Variants in MBD5 observed in about 807,000 individuals in gnomAD.
MBD5 encodes the protein methyl-CpG-binding domain protein 5.
Under a neutral mutation model 117.3 loss-of-function variants are expected in MBD5, and 13 were observed. The ratio of observed to expected loss-of-function variants is 0.11; its 90% CI spans 0.07 to 0.18. MBD5 has a LOEUF of 0.18. Among genes scored for constraint, MBD5 ranks in the 10% least tolerant of loss-of-function variants. The pLI is 1.00. For synonymous variants in MBD5, 727 were observed against 766.4 expected, an observed-to-expected ratio of 0.95 and a Z score of 0.85; for missense variants, 1,879 against 2,093.8, an observed-to-expected ratio of 0.90 and a Z score of 2.00.
chr2:148,150,255 A>G (rs1697611810), intron 1 of MBD5, among the ~76,000 whole-genome samples: 1 of 148,824 alleles, frequency 6.7e-6, no homozygotes, highest in Admixed American at 6.8e-5. Context: ...AGTTGTAGAT[A>G]TGCGGCGTTA....
chr2:148,487,536 C>T (rs918100602), intron 10 of MBD5, among the ~76,000 whole-genome samples: 1 of 151,748 alleles, frequency 6.6e-6, no homozygotes, highest in African/African-American at 2.4e-5. Context: ...AGGAAGTGCT[C>T]AACCGTGTCA....
At chr2:148,334,549 A>C (rs1267088418) in intron 3 of MBD5, among the ~76,000 whole-genome samples, 1 of 151,828 alleles carries the variant, frequency 6.6e-6, no homozygotes, top group African/African-American at 2.4e-5. Flanking sequence ...GCCCAGGCTG[A>C]CCTCAAGCTC....
At chr2:148,090,126 A>G (rs552171034) in intron 1 of MBD5, among the ~76,000 whole-genome samples, 4 of 152,132 alleles carry the variant, frequency 2.6e-5, no homozygotes, top group Non-Finnish European at 4.4e-5. Context: ...AGCCTCCTAG[A>G]TTAAATCAGG....
At chr2:148,138,609 G>A (rs907715468) in intron 1 of MBD5, among the ~76,000 whole-genome samples, 5 of 152,170 alleles carry the variant, frequency 3.3e-5, no homozygotes, top group African/African-American at 1.2e-4. Context: ...GGGAGATTGG[G>A]AAGCTATTAT....
intron 1 of MBD5, among the ~76,000 whole-genome samples, chr2:148,146,574 G>A (rs1697471864): frequency 6.6e-6 from 1 of 151,978 alleles, no homozygotes; most frequent in Admixed American, 6.6e-5. Flanking sequence ...TGATGTGTTT[G>A]GTTATGTATG....
intron 1 of MBD5, among the ~76,000 whole-genome samples, chr2:148,173,574 T>G (rs966800135): frequency 6.6e-6 from 1 of 152,148 alleles, no homozygotes; most frequent in Non-Finnish European, 1.5e-5. Context: ...AAGGCGCCAC[T>G]AGCCACAGAG....
chr2:148,457,820 T>G (rs995584152), intron 4 of MBD5, among the ~76,000 whole-genome samples: 1 of 152,180 alleles, frequency 6.6e-6, no homozygotes, highest in Non-Finnish European at 1.5e-5. Flanking sequence ...TATTAAGGAC[T>G]TATTAAAATA....
intron 10 of MBD5, among the ~76,000 whole-genome samples, chr2:148,488,888 T>A (rs1337315350): frequency 6.6e-6 from 1 of 152,034 alleles, no homozygotes; most frequent in Non-Finnish European, 1.5e-5. Context: ...AGTGTCATGT[T>A]ATTATTAAGA....
chr2:148,097,518 A>G (rs1198929493), intron 1 of MBD5, among the ~76,000 whole-genome samples: 6 of 152,166 alleles, frequency 3.9e-5, no homozygotes. Context: ...ATAATATCCA[A>G]TTTGTATTAG....
At chr2:148,325,926 T>C (rs1702437562) in intron 3 of MBD5, among the ~76,000 whole-genome samples, 1 of 152,200 alleles carries the variant, frequency 6.6e-6, no homozygotes, top group South Asian at 2.1e-4. Context: ...AATTGTGATG[T>C]TAGGGTGTCA....
At chr2:148,512,756 T>C (rs1317952062) in intron 13 of MBD5, 114 bp from the exon 14 acceptor site, 1 of 933,310 alleles carries the variant, frequency 1.1e-6, no homozygotes. Context: ...ATATCAGTAA[T>C]TGAAAGTGAA....
chr2:148,070,323 A>C (rs990302572), intron 1 of MBD5, among the ~76,000 whole-genome samples: 1 of 152,198 alleles, frequency 6.6e-6, no homozygotes, highest in Non-Finnish European at 1.5e-5. Flanking sequence ...CATTGGTGCT[A>C]TGTGATAGTA....
intron 3 of MBD5, among the ~76,000 whole-genome samples, chr2:148,329,035 A>T (rs1375854040): frequency 6.6e-6 from 1 of 152,184 alleles, no homozygotes; most frequent in East Asian, 1.9e-4. Context: ...GCTCATGATC[A>T]TTTTTGCATT....
rs76699836 is a variant in MBD5 at position 148,499,919 on chromosome 2, T to G, written c.4963-2517T>G. Among the ~76,000 whole-genome samples the G allele has an allele frequency of 2.0e-5, 3 of 152,336 alleles. No individual in the cohort carries two copies. The East Asian group carries it at 5.8e-4, about 29-fold the overall frequency. On this transcript the variant is annotated intron_variant, in intron 11 of 13. Transcript: ENST00000642680. ...ACAACACAGTAAAGTGCTAAAATCCTGAAACAAACTAAACTTTCTTCTGAA... is the reference window on the plus strand; with the variant it reads ...ACAACACAGTAAAGTGCTAAAATCCGGAAACAAACTAAACTTTCTTCTGAA...
intron 1 of MBD5, among the ~76,000 whole-genome samples, chr2:148,124,911 A>G (rs903008379): frequency 2.0e-5 from 3 of 150,502 alleles, no homozygotes; most frequent in African/African-American, 7.3e-5. Flanking sequence ...TTTATAATGT[A>G]TCAAAGAAAA....
intron 3 of MBD5, among the ~76,000 whole-genome samples, chr2:148,341,970 AAT>A (rs1209837454): frequency 5.3e-5 from 8 of 152,056 alleles, no homozygotes; most frequent in African/African-American, 1.9e-4. Context: ...TAATTTATTA[AAT>A]ATGTTTCTTC....
intron 2 of MBD5, among the ~76,000 whole-genome samples, chr2:148,219,579 G>C (rs1319056291): frequency 1.3e-5 from 2 of 152,082 alleles, no homozygotes; most frequent in East Asian, 3.9e-4. Flanking sequence ...TATGTAAAAA[G>C]CTTAAAATAG....
At chr2:148,426,712 C>T (rs1320211851) in intron 4 of MBD5, among the ~76,000 whole-genome samples, 5 of 151,812 alleles carry the variant, frequency 3.3e-5, no homozygotes, top group African/African-American at 4.8e-5. Flanking sequence ...GAAGAAAACT[C>T]GGCAATACCA....
intron 4 of MBD5, among the ~76,000 whole-genome samples, chr2:148,401,031 G>C (rs536808959): frequency 1.3e-5 from 2 of 152,216 alleles, no homozygotes; most frequent in South Asian, 4.1e-4. Context: ...TCTGACTTTT[G>C]AGATATCATC....
Sources: gnomAD v4.1 joint callset for allele counts (sites outside exome capture counted in the v4.1 genomes callset) on GRCh38, gnomAD v4.1.1 for gene constraint, MANE v1.5 for transcripts, NCBI Gene and HGNC (gene_info 2026-07-23, HGNC 2026-07-21) for gene names.